Variants in GRID2 observed in about 807,000 individuals in gnomAD.
GRID2 encodes glutamate ionotropic receptor delta type subunit 2, also known as glutamate receptor ionotropic, delta-2.
Under a neutral mutation model 114.8 loss-of-function variants are expected in GRID2, and 33 were observed. That is an observed-to-expected ratio of 0.29 (90% CI 0.22 to 0.38). The LOEUF is 0.38. Ranked by LOEUF, GRID2 falls within the 10% of genes least tolerant of loss-of-function variation. The probability of loss-of-function intolerance (pLI) is 1.00; values close to 1 mark genes in which losing one functional copy is unlikely to be tolerated. For missense variants in GRID2, 1,184 were observed against 1,257.7 expected, an observed-to-expected ratio of 0.94 and a Z score of 0.89; for synonymous variants, 505 against 449.9, an observed-to-expected ratio of 1.12 and a Z score of -1.55.
At chr4:93,069,007 C>G (rs1183978045) in intron 2 of GRID2, among the ~76,000 whole-genome samples, 1 of 151,696 alleles carries the variant, frequency 6.6e-6, no homozygotes, top group Non-Finnish European at 1.5e-5. Flanking sequence ...AGAGCAGAAA[C>G]AAGAGAGAGA....
intron 14 of GRID2, among the ~76,000 whole-genome samples, chr4:93,673,636 T>G (rs1379827819): frequency 6.6e-6 from 1 of 152,220 alleles, no homozygotes; most frequent in Admixed American, 6.5e-5. Flanking sequence ...TGTAGACAGA[T>G]CTTTCCTTGT....
intron 1 of GRID2, among the ~76,000 whole-genome samples, chr4:92,546,089 G>T (rs1313993388): frequency 3.3e-5 from 5 of 152,130 alleles, no homozygotes; most frequent in African/African-American, 1.2e-4. Flanking sequence ...TGCCTGTTCA[G>T]GGAAGGGACA....
At chr4:93,763,012 C>T (rs930974609) in intron 14 of GRID2, among the ~76,000 whole-genome samples, 20 of 152,132 alleles carry the variant, frequency 1.3e-4, no homozygotes, top group Admixed American at 1.0e-3. Context: ...ATAAGCCCTA[C>T]ATTAGCCAAC....
intron 1 of GRID2, among the ~76,000 whole-genome samples, chr4:92,342,181 A>G (rs1727529834): frequency 6.6e-6 from 1 of 152,148 alleles, no homozygotes; most frequent in Non-Finnish European, 1.5e-5. Context: ...ATGTGTGTGT[A>G]TATATATACA....
intron 1 of GRID2, among the ~76,000 whole-genome samples, chr4:93,788,322 AAAAAG>A (rs1033861631): frequency 2.0e-5 from 3 of 152,064 alleles, no homozygotes; most frequent in African/African-American, 7.3e-5. Flanking sequence ...CGCTCAAAAA[AAAAAG>A]AAAAGAAAAC....
chr4:92,912,891 C>T (rs1748493845), intron 2 of GRID2, among the ~76,000 whole-genome samples: 1 of 151,696 alleles, frequency 6.6e-6, no homozygotes, highest in East Asian at 1.9e-4. Flanking sequence ...TGTAATTTAC[C>T]CATGACATCA....
intron 1 of GRID2, among the ~76,000 whole-genome samples, chr4:93,786,779 A>G (rs1401504358): frequency 6.6e-6 from 1 of 152,212 alleles, no homozygotes; most frequent in Non-Finnish European, 1.5e-5. Flanking sequence ...AGGTCATTAC[A>G]TTATTTTGGC....
At chr4:92,861,030 C>T (rs1028268141) in intron 2 of GRID2, among the ~76,000 whole-genome samples, 2 of 152,048 alleles carry the variant, frequency 1.3e-5, no homozygotes. Context: ...CATTTTAAGT[C>T]TAAGTAAATC....
At chr4:93,520,003 CA>C (rs1271021362) in intron 13 of GRID2, among the ~76,000 whole-genome samples, 2 of 152,038 alleles carry the variant, frequency 1.3e-5, no homozygotes, top group South Asian at 2.1e-4. Flanking sequence ...GAAGCCAAGG[CA>C]AAAGATTAGT....
At chr4:93,022,870 C>T (rs192822600) in intron 2 of GRID2, among the ~76,000 whole-genome samples, 77 of 151,958 alleles carry the variant, frequency 5.1e-4, no homozygotes, top group Admixed American at 5.1e-3. Flanking sequence ...ATATTTCCCT[C>T]ATGTTCATTT....
At chr4:93,697,339 A>G (rs17021020) in intron 14 of GRID2, among the ~76,000 whole-genome samples, 6,245 of 152,220 alleles carry the variant, frequency 0.041, 198 homozygotes, top group African/African-American at 0.081. Context: ...TTGGCTTATC[A>G]TTCCAATTCT....
chr4:93,735,870 T>C (rs1560958210), intron 14 of GRID2, among the ~76,000 whole-genome samples: 2 of 152,026 alleles, frequency 1.3e-5, no homozygotes, highest in Non-Finnish European at 2.9e-5. Context: ...GATGTTGTTA[T>C]TGCTGTTCTT....
chr4:92,355,141 A>G (rs1385779442), intron 1 of GRID2, among the ~76,000 whole-genome samples: 4 of 151,876 alleles, frequency 2.6e-5, no homozygotes, highest in Non-Finnish European at 5.9e-5. Context: ...TTTCATGCTT[A>G]TCATCTGTAT....
chr4:93,345,899 T>C (rs1431003703), intron 8 of GRID2, among the ~76,000 whole-genome samples: 2 of 152,128 alleles, frequency 1.3e-5, no homozygotes, highest in Non-Finnish European at 2.9e-5. Flanking sequence ...ATTGAAGAGA[T>C]TGTCCTTTTC....
At chr4:92,408,431 C>CTTTTTTTTTTTTTTTTTTTTTTTTT (rs35638036) in intron 1 of GRID2, among the ~76,000 whole-genome samples, 3 of 19,428 alleles carry the variant, frequency 1.5e-4, no homozygotes, top group East Asian at 2.3e-3. Context: ...TATTCAAGCT[C>CTTTTTTTTTTTTTTTTTTTTTTTTT]TTTTTTTTTT....
At chr4:93,276,040 A>G (rs1422438117) in intron 8 of GRID2, among the ~76,000 whole-genome samples, 1 of 151,926 alleles carries the variant, frequency 6.6e-6, no homozygotes, top group Non-Finnish European at 1.5e-5. Context: ...CCAAGGTCCC[A>G]AAACTTTTCT....
chr4:93,715,244 A>G (rs1025265159), intron 14 of GRID2, among the ~76,000 whole-genome samples: 1 of 151,888 alleles, frequency 6.6e-6, no homozygotes. Flanking sequence ...TGGTTGTAGG[A>G]GTGCAGTCTT....
At chr4:92,687,316 T>C (rs1175068197) in intron 2 of GRID2, among the ~76,000 whole-genome samples, 1 of 152,024 alleles carries the variant, frequency 6.6e-6, no homozygotes, top group Non-Finnish European at 1.5e-5. Context: ...ACCAGAAATA[T>C]ATATACACAG....
At chr4:92,740,689 ATGATAGAT>A (rs1171015668) in intron 2 of GRID2, among the ~76,000 whole-genome samples, 3 of 59,294 alleles carry the variant, frequency 5.1e-5, no homozygotes, top group Non-Finnish European at 6.9e-5. Context: ...AGATAGATAG[ATGATAGAT>A]AGATAGATAG....
Sources: gnomAD v4.1 joint callset for allele counts (sites outside exome capture counted in the v4.1 genomes callset) on GRCh38, gnomAD v4.1.1 for gene constraint, MANE v1.5 for transcripts, NCBI Gene and HGNC (gene_info 2026-07-23, HGNC 2026-07-21) for gene names.